The following GLRB variants were observed in gnomAD, a reference collection of about 807,000 sequenced individuals.
The protein encoded by GLRB is glycine receptor subunit beta.
Under a neutral mutation model 54.2 loss-of-function variants are expected in GLRB, and 33 were observed. That is an observed-to-expected ratio of 0.61 (90% CI 0.46 to 0.81). The LOEUF is 0.81. Ranked by LOEUF, GLRB falls within the 40% of genes least tolerant of loss-of-function variation. GLRB has a pLI of 0.00. For missense variants in GLRB, 572 were observed against 584.6 expected (o/e 0.98, Z 0.22); for synonymous variants, 209 against 208.2 (o/e 1.00, Z -0.03).
intron 2 of GLRB, among the ~76,000 whole-genome samples, chr4:157,107,226 C>T (rs532692816): frequency 4.1e-4 from 63 of 152,078 alleles, no homozygotes; most frequent in African/African-American, 1.5e-3. Context: ...TGAAATTAGG[C>T]CAATTAATAT....
chr4:157,137,487 A>G (rs1394853492), intron 6 of GLRB, among the ~76,000 whole-genome samples: 1 of 152,012 alleles, frequency 6.6e-6, no homozygotes, highest in Non-Finnish European at 1.5e-5. Flanking sequence ...AAACCTCAAA[A>G]AAAAAAACAC....
At chr4:157,089,913 C>G (rs752521538) in intron 2 of GLRB, among the ~76,000 whole-genome samples, 5 of 152,192 alleles carry the variant, frequency 3.3e-5, no homozygotes, top group Non-Finnish European at 7.4e-5. Flanking sequence ...ATCTTCAAAT[C>G]CTTCATGCCC....
chr4:157,123,931 C>CT (rs1237082467), intron 4 of GLRB, among the ~76,000 whole-genome samples: 1 of 151,508 alleles, frequency 6.6e-6, no homozygotes, highest in East Asian at 2.0e-4. Context: ...ATGCAAGGAT[C>CT]TTTTTTTCTT....
intron 2 of GLRB, among the ~76,000 whole-genome samples, chr4:157,080,866 G>C (rs1734196073): frequency 6.6e-6 from 1 of 151,986 alleles, no homozygotes; most frequent in Admixed American, 6.5e-5. Flanking sequence ...CAGCAATCCA[G>C]AGTGAAATCT....
intron 8 of GLRB, among the ~76,000 whole-genome samples, chr4:157,151,174 C>A (rs1737008947): frequency 1.3e-5 from 2 of 152,006 alleles, no homozygotes; most frequent in East Asian, 3.9e-4. Context: ...ACTATGGAAA[C>A]AGAGAGGATA....
At chr4:157,152,540 T>C (rs1737059791) in intron 8 of GLRB, among the ~76,000 whole-genome samples, 178 bp from the exon 9 acceptor site, 1 of 152,178 alleles carries the variant, frequency 6.6e-6, no homozygotes, top group South Asian at 2.1e-4. Flanking sequence ...TAGTCAATAG[T>C]CCTTACAGAA....
chr4:157,153,037 C>A, intron 9 of GLRB, 27 bp downstream of exon 9: 3 of 1,575,758 alleles, frequency 1.9e-6, no homozygotes, highest in Non-Finnish European at 8.7e-7. Context: ...GCCATGAAAT[C>A]ATTTCCCCCA....
At chr4:157,101,191 T>C (rs1476245578) in intron 2 of GLRB, among the ~76,000 whole-genome samples, 1 of 152,128 alleles carries the variant, frequency 6.6e-6, no homozygotes, top group Non-Finnish European at 1.5e-5. Flanking sequence ...TAATCATTCA[T>C]GGTATTAATC....
At chr4:157,161,983 T>C (rs1737514820) in intron 9 of GLRB, among the ~76,000 whole-genome samples, 1 of 152,218 alleles carries the variant, frequency 6.6e-6, no homozygotes, top group African/African-American at 2.4e-5. Flanking sequence ...AGACGTAGAT[T>C]TGGTCTTTTC....
chr4:157,116,433 G>A (rs904303022), intron 2 of GLRB, among the ~76,000 whole-genome samples: 3 of 151,502 alleles, frequency 2.0e-5, no homozygotes, highest in Non-Finnish European at 1.5e-5. Flanking sequence ...ATAAAACATT[G>A]GACTGAGATT....
chr4:157,125,025 A>G (rs962710393), intron 4 of GLRB, among the ~76,000 whole-genome samples: 3 of 151,920 alleles, frequency 2.0e-5, no homozygotes, highest in African/African-American at 7.2e-5. Flanking sequence ...TTAGGAAAGC[A>G]TAAGTCATTA....
chr4:157,168,789 T>C (rs979429743), intron 9 of GLRB, among the ~76,000 whole-genome samples: 11 of 152,126 alleles, frequency 7.2e-5, no homozygotes, highest in Non-Finnish European at 2.9e-5. Context: ...ATAAAGTATA[T>C]AATAACAAAG....
chr4:157,162,086 T>G (rs186179551), intron 9 of GLRB, among the ~76,000 whole-genome samples: 1 of 152,236 alleles, frequency 6.6e-6, no homozygotes, highest in African/African-American at 2.4e-5. Flanking sequence ...TCATTTGATC[T>G]TCAATCACTG....
intron 4 of GLRB, among the ~76,000 whole-genome samples, chr4:157,123,983 T>C (rs1047772943): frequency 6.6e-6 from 1 of 151,732 alleles, no homozygotes; most frequent in Non-Finnish European, 1.5e-5. Flanking sequence ...TTAATGTATC[T>C]ATTTTGTAAT....
intron 3 of GLRB, 55 bp from the exon 4 acceptor site, chr4:157,122,275 G>T: frequency 1.4e-6 from 1 of 719,536 alleles, no homozygotes; most frequent in South Asian, 1.9e-5. Flanking sequence ...AAACTATGAT[G>T]ATTCTGACCA....
chr4:157,122,272 G>A, intron 3 of GLRB, 58 bp from the exon 4 acceptor site: 3 of 698,670 alleles, frequency 4.3e-6, no homozygotes, highest in Non-Finnish European at 2.5e-6. Context: ...AAAAAACTAT[G>A]ATGATTCTGA....
chr4:157,146,600 C>T (rs1371426158), intron 8 of GLRB, among the ~76,000 whole-genome samples: 1 of 151,992 alleles, frequency 6.6e-6, no homozygotes. Context: ...GGGCAAATCA[C>T]CTGAGGTCAG....
At chr4:157,159,990 A>C (rs2126618128) in intron 9 of GLRB, among the ~76,000 whole-genome samples, 1 of 152,166 alleles carries the variant, frequency 6.6e-6, no homozygotes, top group African/African-American at 2.4e-5. Context: ...GTAGGCTATT[A>C]ATTATTGCCT....
chr4:157,110,324 T>C (rs1221695557), intron 2 of GLRB, among the ~76,000 whole-genome samples: 1 of 139,936 alleles, frequency 7.1e-6, no homozygotes, highest in Admixed American at 6.9e-5. Flanking sequence ...TATAAGACCC[T>C]TTTCTTCACT....
Sources: gnomAD v4.1 joint callset for allele counts (sites outside exome capture counted in the v4.1 genomes callset) on GRCh38, gnomAD v4.1.1 for gene constraint, MANE v1.5 for transcripts, NCBI Gene and HGNC (gene_info 2026-07-23, HGNC 2026-07-21) for gene names.